SYNE2: variants seen among roughly 807,000 people sequenced by gnomAD.
SYNE2 encodes the protein spectrin repeat containing nuclear envelope protein 2.
A neutral mutation model predicts 856.3 loss-of-function variants in SYNE2; 431 were observed. The observed-to-expected ratio is 0.50, with a 90% CI of 0.47 to 0.55. SYNE2 has a LOEUF of 0.55. SYNE2 is among the 20% of genes least tolerant of loss of function. The probability of loss-of-function intolerance (pLI) is 0.00; values close to 1 mark genes in which losing one functional copy is unlikely to be tolerated. For synonymous variants in SYNE2, 2,923 were observed against 2,872.3 expected, an observed-to-expected ratio of 1.02 and a Z score of -0.56; for missense variants, 8,129 against 8,023.2, an observed-to-expected ratio of 1.01 and a Z score of -0.50.
chr14:64,215,406 C>A (rs769547115), intron 107 of SYNE2, 52 bp downstream of exon 107: 1 of 1,566,068 alleles, frequency 6.4e-7, no homozygotes, highest in Non-Finnish European at 8.8e-7. Flanking sequence ...GTGGCGCACA[C>A]TGCATCCTCA....
intron 62 of SYNE2, chr14:64,098,528 G>A (rs781470383): frequency 1.6e-6 from 1 of 612,794 alleles, no homozygotes; most frequent in Non-Finnish European, 2.9e-6. Context: ...GTTTATGAAG[G>A]GGCACAGGGG....
At position 64,020,080 on chromosome 14, in the gene SYNE2, C is replaced by A; in HGVS notation, c.5138C>A (p.Pro1713His). ...TTTTTGCTCCAAAGCAGTGAAATAC[C>A]TCTTGAATTGCAGGTAAGAATTTTT... Reference protein sequence around the residue: ...IQFLLQSSEIPLELQVMESSI... With the variant: ...IQFLLQSSEIHLELQVMESSI... The change falls in exon 35 of 116, where the codon CCT becomes CAT. Residue 1713 changes from proline (P) to histidine (H), a missense_variant. Physicochemically the swap from Pro to His is moderately conservative, Grantham distance 77. Coordinates refer to ENST00000555002, the MANE Select transcript of SYNE2 (RefSeq NM_182914.3). 1 of 1,611,348 alleles carries A rather than the reference C, an allele frequency of 6.2e-7. No individual in the cohort carries two copies. The highest frequency in any genetic ancestry group is 2.2e-5 in the East Asian group (1 of 44,834).
At chr14:64,134,549 A>G (rs1170280493) in intron 78 of SYNE2, among the ~76,000 whole-genome samples, 3 of 152,222 alleles carry the variant, frequency 2.0e-5, no homozygotes, top group Non-Finnish European at 4.4e-5. Context: ...CTAGTATGGA[A>G]ATGAGCTGAA....
rs1595432634 is a variant in SYNE2, at chr14:64,087,801, C to T, written c.11615C>T (p.Thr3872Ile). 4 of 1,614,126 alleles carry T rather than the reference C, an allele frequency of 2.5e-6. No individual in the cohort carries two copies. Among genetic ancestry groups the T allele is most frequent in the Middle Eastern group, 3.3e-4 (2 of 6,062 alleles). The change falls in exon 58 of 116, where the codon ACA (threonine) becomes ATA (isoleucine). Residue 3872 changes from threonine (T) to isoleucine (I), a missense_variant. Transcript: ENST00000555002. ...QSIQELSNQV[T>I]ALQQKIMESL... ...ATACAAGAGTTAAGTAATCAAGTAACAGCTTTACAACAAAAAATAATGGAA... is the reference window on the plus strand; with the variant it reads ...ATACAAGAGTTAAGTAATCAAGTAATAGCTTTACAACAAAAAATAATGGAA...
intron 2 of SYNE2, among the ~76,000 whole-genome samples, chr14:63,910,002 G>C (rs2095454056): frequency 6.6e-6 from 1 of 152,098 alleles, no homozygotes; most frequent in Non-Finnish European, 1.5e-5. Context: ...CAATATTTTT[G>C]TTGTATTTTG....
At position 64,126,437 on chromosome 14, in the gene SYNE2, AC is replaced by A; in HGVS notation, c.13666del (p.Leu4556PhefsTer20). 6.2e-7 allele frequency: 1 copy of A among 1,614,068 alleles called. No individual in the cohort carries two copies. The highest frequency in any genetic ancestry group is 1.3e-5 in the African/African-American group (1 of 75,012). On this transcript the variant is annotated frameshift_variant, in exon 72 of 116. Transcript: ENST00000555002. LOFTEE classifies it high-confidence loss of function. ...TGGAGGAGATGCTGGAGATGCCCAG[AC>A]TTTACAGGGAGGATGGTTCTGGCCA... ...SVEEMLEMPR[L>X]YREDGSGQQV...
intron 1 of SYNE2, among the ~76,000 whole-genome samples, chr14:63,807,602 G>A (rs563168540): frequency 1.3e-4 from 19 of 150,346 alleles, no homozygotes; most frequent in African/African-American, 2.9e-4. Context: ...TTCTCTCTGC[G>A]CAATGACAAA....
At chr14:63,895,580 C>G (rs2095235592) in intron 1 of SYNE2, among the ~76,000 whole-genome samples, 1 of 141,594 alleles carries the variant, frequency 7.1e-6, no homozygotes, top group African/African-American at 2.6e-5. Context: ...TGGCAAGATC[C>G]TGTCTCTATC....
chr14:64,150,490 G>A (rs961450030), intron 84 of SYNE2, among the ~76,000 whole-genome samples: 2 of 151,928 alleles, frequency 1.3e-5, no homozygotes, highest in Admixed American at 1.3e-4. Flanking sequence ...CAAAGTGCTG[G>A]GATTACAGGC....
chr14:63,839,506 A>AT (rs1202400226), intron 1 of SYNE2, among the ~76,000 whole-genome samples: 1 of 151,888 alleles, frequency 6.6e-6, no homozygotes, highest in Non-Finnish European at 1.5e-5. Flanking sequence ...TCATTTGTTT[A>AT]TTTTTTTGTA....
At chr14:63,955,733 A>C (rs540961426) in intron 8 of SYNE2, among the ~76,000 whole-genome samples, 1 of 152,308 alleles carries the variant, frequency 6.6e-6, no homozygotes, top group South Asian at 2.1e-4. Flanking sequence ...ATATTAAGGA[A>C]TATGTATTAT....
intron 2 of SYNE2, among the ~76,000 whole-genome samples, chr14:63,910,288 C>T (rs1319958411): frequency 6.6e-6 from 1 of 151,930 alleles, no homozygotes; most frequent in African/African-American, 2.4e-5. Context: ...GTTTTGATGC[C>T]ATATTGAGTG....
chr14:64,219,177 CT>C (rs759411384), intron 109 of SYNE2, 30 bp from the exon 110 acceptor site: 53 of 1,439,432 alleles, frequency 3.7e-5, no homozygotes, highest in South Asian at 1.7e-4. Context: ...TGCATTATTG[CT>C]TTTTTTAATT....
At chr14:64,145,246 T>G (rs1282987794) in intron 83 of SYNE2, among the ~76,000 whole-genome samples, 1 of 107,764 alleles carries the variant, frequency 9.3e-6, no homozygotes, top group Admixed American at 8.5e-5. Context: ...TTTAAAATTA[T>G]GTCATGACAG....
intron 1 of SYNE2, among the ~76,000 whole-genome samples, chr14:63,868,810 A>G (rs546403686): frequency 6.6e-6 from 1 of 152,284 alleles, no homozygotes; most frequent in African/African-American, 2.4e-5. Flanking sequence ...ATCAGACTTA[A>G]TTTTTATCTG....
At chr14:64,083,510 G>A (rs2097539153) in intron 57 of SYNE2, among the ~76,000 whole-genome samples, 1 of 152,074 alleles carries the variant, frequency 6.6e-6, no homozygotes, top group Non-Finnish European at 1.5e-5. Context: ...CAAACTTCAG[G>A]ACATTCTAAA....
At chr14:64,112,618 C>G (rs1041750743) in intron 65 of SYNE2, among the ~76,000 whole-genome samples, 2 of 152,170 alleles carry the variant, frequency 1.3e-5, no homozygotes, top group African/African-American at 4.8e-5. Context: ...AAAGAACACA[C>G]CACACTTTCT....
chr14:63,998,423 C>T (rs1277599495), intron 26 of SYNE2, 95 bp downstream of exon 26: 7 of 835,634 alleles, frequency 8.4e-6, no homozygotes, highest in South Asian at 1.5e-5. Flanking sequence ...TTCATTTAGT[C>T]GTCATTTTGC....
intron 34 of SYNE2, 46 bp downstream of exon 34, chr14:64,017,802 CATTTTTT>C (rs756196721): frequency 6.3e-6 from 10 of 1,590,356 alleles, no homozygotes; most frequent in Non-Finnish European, 8.6e-6. Flanking sequence ...ACACAATTGA[CATTTTTT>C]ATTTTTTATG....
Sources: gnomAD v4.1 joint callset for allele counts (sites outside exome capture counted in the v4.1 genomes callset) on GRCh38, gnomAD v4.1.1 for gene constraint, MANE v1.5 for transcripts, NCBI Gene and HGNC (gene_info 2026-07-23, HGNC 2026-07-21) for gene names.